TTLL13: variants seen among roughly 807,000 people sequenced by gnomAD.
The protein encoded by TTLL13 is tubulin polyglutamylase TTLL13.
At chr15:90,249,738 G>C in the TTLL13 span, 1 of 152,198 alleles carries the variant, frequency 6.6e-6, no homozygotes, top group Non-Finnish European at 1.5e-5. Flanking sequence ...GGACATGAGC[G>C]GCCAGCTGAG....
chr15:90,264,993 TC>T, the TTLL13 span: 3 of 1,520,286 alleles, frequency 2.0e-6, no homozygotes, highest in Non-Finnish European at 2.6e-6. Flanking sequence ...ACTCTACCTC[TC>T]CTGGATAACC....
chr15:90,264,958 G>A, the TTLL13 span: 1 of 1,535,302 alleles, frequency 6.5e-7, no homozygotes, highest in Non-Finnish European at 8.7e-7. Context: ...ACATCAATCA[G>A]TTCAGGTAAA....
the TTLL13 span, among the ~76,000 whole-genome samples, chr15:90,256,603 T>TTCTTTCTTTC: frequency 3.3e-5 from 1 of 29,906 alleles, no homozygotes; most frequent in African/African-American, 1.4e-4. Context: ...CTTTCTTTCT[T>TTCTTTCTTTC]TCTTTCCTTC....
the TTLL13 span, among the ~76,000 whole-genome samples, chr15:90,256,605 CTT>C: frequency 2.4e-4 from 7 of 28,760 alleles, no homozygotes; most frequent in African/African-American, 9.1e-4. Context: ...TTCTTTCTTT[CTT>C]TCCTTCCTTC....
At chr15:90,257,323 G>C in the TTLL13 span, 1 of 1,582,560 alleles carries the variant, frequency 6.3e-7, no homozygotes, top group Non-Finnish European at 8.6e-7. Flanking sequence ...ACTGCCAAAA[G>C]TGCTGAGGTT....
the TTLL13 span, chr15:90,258,632 G>A: frequency 1.7e-4 from 157 of 937,380 alleles, 1 homozygote; most frequent in African/African-American, 1.4e-3. Flanking sequence ...CAGCCTCCCC[G>A]GCTGAGGCCA....
the TTLL13 span, chr15:90,263,165 C>T: frequency 6.6e-7 from 1 of 1,508,372 alleles, no homozygotes; most frequent in African/African-American, 1.4e-5. Context: ...CCTGTGAAGT[C>T]TCCCAGAGGA....
chr15:90,257,912 C>A, the TTLL13 span: 2 of 999,902 alleles, frequency 2.0e-6, no homozygotes, highest in Non-Finnish European at 3.0e-6. Flanking sequence ...CTAGTCCCTG[C>A]TCCAAACTGC....
the TTLL13 span, chr15:90,263,080 G>T: frequency 1.3e-6 from 2 of 1,536,130 alleles, no homozygotes; most frequent in Non-Finnish European, 1.7e-6. Context: ...CCTGGGTATT[G>T]TAGAGCAGCT....
At chr15:90,265,468 T>C in the TTLL13 span, 1 of 1,370,490 alleles carries the variant, frequency 7.3e-7, no homozygotes, top group Non-Finnish European at 9.4e-7. Flanking sequence ...TTAAAGTTTA[T>C]GCAGTTTTCC....
the TTLL13 span, among the ~76,000 whole-genome samples, chr15:90,252,128 C>G: frequency 6.6e-6 from 1 of 151,166 alleles, no homozygotes; most frequent in East Asian, 2.0e-4. Context: ...CAACCTCCAC[C>G]ACCCAGGTTC....
chr15:90,260,624 G>C, the TTLL13 span, among the ~76,000 whole-genome samples: 1 of 152,240 alleles, frequency 6.6e-6, no homozygotes, highest in Non-Finnish European at 1.5e-5. Context: ...AGGCTGAGGT[G>C]GGCGGATCAG....
At chr15:90,261,057 C>G in the TTLL13 span, among the ~76,000 whole-genome samples, 1 of 151,100 alleles carries the variant, frequency 6.6e-6, no homozygotes, top group Non-Finnish European at 1.5e-5. Flanking sequence ...CTGTAATGAA[C>G]GTATATTACC....
At chr15:90,251,824 GAA>G in the TTLL13 span, among the ~76,000 whole-genome samples, 8 of 130,618 alleles carry the variant, frequency 6.1e-5, no homozygotes, top group East Asian at 2.2e-4. Flanking sequence ...CAGTAAACAA[GAA>G]AAAAAAAAAA....
the TTLL13 span, chr15:90,264,971 C>A: frequency 3.3e-6 from 5 of 1,532,890 alleles, no homozygotes; most frequent in Non-Finnish European, 4.4e-6. Flanking sequence ...CAGGTAAAAG[C>A]AGGAGGGAAG....
chr15:90,251,590 G>C, the TTLL13 span: 12 of 1,613,950 alleles, frequency 7.4e-6, no homozygotes, highest in South Asian at 1.1e-5. Context: ...GCAAGTATGA[G>C]AGTGGTAAGC....
chr15:90,256,069 G>A, the TTLL13 span: 2 of 1,579,042 alleles, frequency 1.3e-6, no homozygotes, highest in African/African-American at 1.4e-5. Context: ...TAGATAGCAG[G>A]AAGAGCTCCA....
At chr15:90,262,983 G>A in the TTLL13 span, 2 of 1,535,892 alleles carry the variant, frequency 1.3e-6, no homozygotes, top group Non-Finnish European at 1.7e-6. Context: ...CGGGACAGCT[G>A]GACACCATGA....
chr15:90,256,565 C>CT, the TTLL13 span, among the ~76,000 whole-genome samples: 2 of 39,422 alleles, frequency 5.1e-5, no homozygotes, highest in African/African-American at 1.2e-4. Context: ...TTCTTTCTTT[C>CT]TTTCTTTCTT....
Sources: allele counts gnomAD v4.1 joint callset (sites outside exome capture counted in the v4.1 genomes callset), GRCh38; gene constraint gnomAD v4.1.1; transcripts MANE v1.5; gene names NCBI Gene and HGNC (gene_info 2026-07-23, HGNC 2026-07-21).